Variants in MICALL2 observed in about 807,000 individuals in gnomAD.
MICALL2 encodes the protein MICAL like 2, also known as MICAL-like protein 2.
A neutral mutation model predicts 91.1 loss-of-function variants in MICALL2; 111 were observed. That is an observed-to-expected ratio of 1.22 (90% CI 1.04 to 1.43). The LOEUF is 1.43. Among genes scored for constraint, MICALL2 ranks in the 40% most tolerant of loss-of-function variants. The pLI, the probability that MICALL2 is intolerant of heterozygous loss-of-function variation, is 0.00. For synonymous variants in MICALL2, 694 were observed against 525.3 expected, an observed-to-expected ratio of 1.32 and a Z score of -4.39; for missense variants, 1,556 against 1,236.0, an observed-to-expected ratio of 1.26 and a Z score of -3.88.
At chr7:1,434,947 T>A in intron 16 of MICALL2, 154 bp downstream of exon 16, 1 of 872,444 alleles carries the variant, frequency 1.1e-6, no homozygotes, top group Middle Eastern at 3.4e-4. Context: ...TGAACCTGCC[T>A]GTCCTGTCAC....
At chr7:1,449,997 C>T (rs1326352307) in intron 2 of MICALL2, among the ~76,000 whole-genome samples, 4 of 152,110 alleles carry the variant, frequency 2.6e-5, no homozygotes, top group African/African-American at 9.7e-5. Context: ...TGGCACCTTG[C>T]TCCCCAGCTC....
chr7:1,450,225 G>A lies in MICALL2; in HGVS notation c.192+15C>T, dbSNP rs760615523. 1 of 1,610,864 alleles carries A rather than the reference G, an allele frequency of 6.2e-7. No homozygotes were observed. The highest frequency in any genetic ancestry group is 1.8e-4 in the Middle Eastern group (1 of 5,506). ...TGGCTAAGCCAGCTGTGAGGCCGGGGCGGGGGCCACTCACCAGTTTATTGT... is the reference window on the plus strand; with the variant it reads ...TGGCTAAGCCAGCTGTGAGGCCGGGACGGGGGCCACTCACCAGTTTATTGT... On this transcript the variant is annotated intron_variant, in intron 2 of 16. Coordinates refer to ENST00000297508, the MANE Select transcript of MICALL2 (RefSeq NM_182924.4).
intron 14 of MICALL2, 193 bp from the exon 15 acceptor site, chr7:1,437,049 T>C (rs1466573685): frequency 1.4e-5 from 7 of 509,086 alleles, no homozygotes; most frequent in South Asian, 5.8e-5. Context: ...GCCCGTGTGC[T>C]GGGATCCTTC....
chr7:1,456,835 C>T (rs1456622450), intron 1 of MICALL2, among the ~76,000 whole-genome samples: 3 of 152,102 alleles, frequency 2.0e-5, no homozygotes, highest in East Asian at 1.9e-4. Flanking sequence ...GGTGCACACC[C>T]GACCCCCATG....
chr7:1,439,494 G>C, intron 9 of MICALL2: 1 of 155,390 alleles, frequency 6.4e-6, no homozygotes, highest in Admixed American at 7.3e-5. Flanking sequence ...CATGCATCAC[G>C]TGTGGGCACA....
In MICALL2 at chr7:1,447,652, G is replaced by T; in HGVS notation, c.448C>A (p.Pro150Thr). 6.3e-7 allele frequency: 1 copy of T among 1,594,510 alleles called. No individual in the cohort carries two copies. Among genetic ancestry groups the T allele is most frequent in the South Asian group, 1.1e-5 (1 of 87,710 alleles). ...TTTGTCTGGGCTGGAGATAGTGGAG[G>T]CTTCCGGGCTGGGGCGGGCGAGGGC... ...KLPSPAPARK[P>T]PLSPAQTNPV... is the part of the protein sequence containing the mutation. The change falls in exon 4 of 17, where the codon CCT (proline) becomes ACT (threonine). Residue 150 changes from proline to threonine, a missense_variant. Coordinates refer to ENST00000297508, the MANE Select transcript of MICALL2 (RefSeq NM_182924.4).
chr7:1,459,072 C>T (rs1781118973), intron 1 of MICALL2, 112 bp downstream of exon 1: 3 of 1,114,388 alleles, frequency 2.7e-6, no homozygotes, highest in Admixed American at 4.6e-5. Flanking sequence ...TGTGCCTGCC[C>T]AGTCCCACGC....
In MICALL2 at chr7:1,440,047, G is replaced by A. The variant is rs143197912; in HGVS notation, c.1844C>T (p.Pro615Leu). 4.2e-5 allele frequency: 66 copies of A among 1,581,122 alleles called. No individual in the cohort carries two copies. Among genetic ancestry groups the A allele is most frequent in the Admixed American group, 7.6e-5 (4 of 52,584 alleles). ...KPKEPRALAEPRAGEAPRKVS... is the reference protein window; with the variant it reads ...KPKEPRALAELRAGEAPRKVS... Reference sequence around the variant, plus strand: ...CTTCCTGGGGGCCTCCCCCGCCCTCGGCTCTGCCAGGGCCCGTGGTTCCTT... The same window carrying A: ...CTTCCTGGGGGCCTCCCCCGCCCTCAGCTCTGCCAGGGCCCGTGGTTCCTT... The change falls in exon 9 of 17, where the codon CCG (proline) becomes CTG (leucine). Residue 615 changes from proline to leucine, a missense_variant. Transcript: ENST00000297508.
chr7:1,437,488 G>T, intron 14 of MICALL2, 47 bp downstream of exon 14: 1 of 1,480,762 alleles, frequency 6.8e-7, no homozygotes, highest in Non-Finnish European at 8.9e-7. Flanking sequence ...CCTGGGCTCC[G>T]CGGCATCCCT....
intron 15 of MICALL2, among the ~76,000 whole-genome samples, chr7:1,436,035 A>G (rs192299348): frequency 2.0e-3 from 309 of 151,038 alleles, no homozygotes; most frequent in African/African-American, 7.4e-3. Context: ...CCTGGGCGAC[A>G]GAGCAAGACT....
chr7:1,434,662 C>A lies in MICALL2; in HGVS notation c.2649G>T (p.Arg883Ser), dbSNP rs1387139646. The change falls in exon 17 of 17, where the codon AGG becomes AGT. Residue 883 changes from arginine (R) to serine (S), a missense_variant. Arg to Ser is a moderately radical substitution (Grantham distance 110). Transcript: ENST00000297508. ...RDMIEKLGLQRKKSKFRLSKI... is the reference protein window; with the variant it reads ...RDMIEKLGLQSKKSKFRLSKI... ...TGGACAAGCGGAACTTGGACTTCTT[C>A]CTCTGGAGGCCTAGGGGACAGGTGG... 4 of 1,561,274 alleles carry A rather than the reference C, an allele frequency of 2.6e-6. No individual in the cohort carries two copies. Among genetic ancestry groups the A allele is most frequent in the Non-Finnish European group, 3.5e-6 (4 of 1,157,564 alleles).
At position 1,443,918 on chromosome 7, in the gene MICALL2, C is replaced by CCAGGCACAGG. The variant is rs1035875181; in HGVS notation, c.1418+724_1418+733dup. Among the ~76,000 whole-genome samples the CCAGGCACAGG allele has an allele frequency of 8.5e-5, 13 of 152,136 alleles. 1 individual carries two copies. The highest frequency in any genetic ancestry group is 3.1e-4 in the African/African-American group (13 of 41,434). ...CCCGTCCACGTCATCTGCTCAGGGT[C>CCAGGCACAGG]CAGGCACAGGCAGGCGCCGGGCCCA... On this transcript the variant is annotated intron_variant, in intron 6 of 16. Coordinates refer to ENST00000297508, the MANE Select transcript of MICALL2 (RefSeq NM_182924.4).
rs1264166642 is a variant in MICALL2, at chr7:1,440,502, G to A, written c.1805+89C>T. On this transcript the variant is annotated intron_variant, in intron 8 of 16. Transcript: ENST00000297508. Reference sequence around the variant, plus strand: ...AGGGAGGTGCGTCTATCCCTGGATAGGCGTGTCAATCGGTCGATTACATAC... The same window carrying A: ...AGGGAGGTGCGTCTATCCCTGGATAAGCGTGTCAATCGGTCGATTACATAC... The A allele has an allele frequency of 3.4e-6, 4 of 1,169,870 alleles. No homozygotes were observed. In the African/African-American group the frequency reaches 4.6e-5, roughly 13 times the overall value. 72.5% of individuals were successfully genotyped at this position (1,169,870 alleles called of 1,614,324 possible). A position where few individuals can be genotyped will look rare whatever the true frequency, so the allele number is the denominator to read the frequency against.
chr7:1,436,939 C>G, intron 14 of MICALL2, 83 bp from the exon 15 acceptor site: 1 of 992,194 alleles, frequency 1.0e-6, no homozygotes, highest in Non-Finnish European at 1.4e-6. Flanking sequence ...CACCCAAGCG[C>G]CAGGCTCCTC....
chr7:1,434,369 T>A lies in MICALL2; in HGVS notation c.*227A>T, dbSNP rs1008334169. ...GGAGGCACGTAGGAGTCCGGGGCCA[T>A]GTGGTCGGTTTCTTTATTGAGACCA... is the stretch of plus-strand genomic sequence containing the variant. On this transcript the variant is annotated 3_prime_UTR_variant, in exon 17 of 17. Coordinates refer to ENST00000297508, the MANE Select transcript of MICALL2 (RefSeq NM_182924.4). 1.5e-6 allele frequency: 1 copy of A among 659,652 alleles called. No individual in the cohort carries two copies. The highest frequency in any genetic ancestry group is 1.5e-5 in the South Asian group (1 of 65,916). 40.9% of individuals were successfully genotyped at this position (659,652 alleles called of 1,614,324 possible).
chr7:1,444,878 C>T lies in MICALL2; in HGVS notation c.1192G>A (p.Ala398Thr). ...CAGGCTGGGGGGTCCACCGTGGCTG[C>T]AGATGTGGAGCTTGAACTGAGTGTG... Reference protein sequence around the residue: ...QTTLSSSSTSAATVDPPAWTP... With the variant: ...QTTLSSSSTSTATVDPPAWTP... The change falls in exon 6 of 17, where the codon GCA becomes ACA. Residue 398 changes from alanine to threonine, a missense_variant. Coordinates refer to ENST00000297508, the MANE Select transcript of MICALL2 (RefSeq NM_182924.4). 1.3e-6 allele frequency: 2 copies of T among 1,592,326 alleles called. No homozygotes were observed. Among genetic ancestry groups the T allele is most frequent in the Non-Finnish European group, 8.5e-7 (1 of 1,172,734 alleles).
intron 2 of MICALL2, among the ~76,000 whole-genome samples, chr7:1,449,246 G>A (rs917790328): frequency 1.3e-5 from 2 of 152,274 alleles, no homozygotes; most frequent in Admixed American, 1.3e-4. Flanking sequence ...CCGCCGGCCA[G>A]GCATGGCTGT....
At chr7:1,459,039 C>T (rs533513789) in intron 1 of MICALL2, 145 bp downstream of exon 1, 3 of 806,692 alleles carry the variant, frequency 3.7e-6, no homozygotes, top group African/African-American at 3.6e-5. Context: ...CTGAGGACAG[C>T]CTCGGGGGGC....
intron 1 of MICALL2, among the ~76,000 whole-genome samples, chr7:1,453,472 C>T (rs994523604): frequency 6.6e-6 from 1 of 152,134 alleles, no homozygotes; most frequent in African/African-American, 2.4e-5. Flanking sequence ...CCGTCCGGGA[C>T]GTTGGCCTGC....
Sources: allele counts gnomAD v4.1 joint callset (sites outside exome capture counted in the v4.1 genomes callset), GRCh38; gene constraint gnomAD v4.1.1; transcripts MANE v1.5; gene names NCBI Gene and HGNC (gene_info 2026-07-23, HGNC 2026-07-21).